Variants in SEMA3E observed in about 807,000 individuals in gnomAD.
SEMA3E encodes the protein semaphorin 3E.
In SEMA3E, 49 loss-of-function variants were observed where a neutral mutation model predicts 93.6. That is an observed-to-expected ratio of 0.52 (90% CI 0.42 to 0.66). The LOEUF (loss-of-function observed/expected upper bound fraction) is 0.66, where lower values mean the gene tolerates loss of function less well. SEMA3E is among the 30% of genes least tolerant of loss of function. The pLI, the probability that SEMA3E is intolerant of heterozygous loss-of-function variation, is 0.00. For missense variants in SEMA3E, 906 were observed against 964.8 expected, an observed-to-expected ratio of 0.94 and a Z score of 0.81; for synonymous variants, 363 against 330.7, an observed-to-expected ratio of 1.10 and a Z score of -1.06.
At chr7:83,578,255 T>C (rs1792449427) in intron 1 of SEMA3E, among the ~76,000 whole-genome samples, 1 of 152,136 alleles carries the variant, frequency 6.6e-6, no homozygotes, top group Non-Finnish European at 1.5e-5. Flanking sequence ...TTAACATTGC[T>C]ATGCCAATGA....
At chr7:83,562,203 T>G (rs1266286927) in intron 1 of SEMA3E, among the ~76,000 whole-genome samples, 1 of 152,134 alleles carries the variant, frequency 6.6e-6, no homozygotes, top group Non-Finnish European at 1.5e-5. Context: ...AATGGAAAAC[T>G]TTACCTTGAA....
At chr7:83,516,588 A>G (rs938861556) in intron 1 of SEMA3E, among the ~76,000 whole-genome samples, 2 of 152,276 alleles carry the variant, frequency 1.3e-5, no homozygotes, top group African/African-American at 2.4e-5. Flanking sequence ...TAAGTAACTG[A>G]AGAAATGTCA....
intron 1 of SEMA3E, among the ~76,000 whole-genome samples, chr7:83,575,248 G>A (rs957439047): frequency 8.6e-5 from 13 of 151,376 alleles, no homozygotes; most frequent in African/African-American, 1.9e-4. Context: ...CAGGATGGAC[G>A]GAGAAACATC....
chr7:83,642,666 AT>A lies in SEMA3E; in HGVS notation c.115+5761del, dbSNP rs544676445. 5.1e-4 allele frequency among the ~76,000 whole-genome samples: 78 copies of A among 152,240 alleles called. No homozygotes were observed. In the East Asian group the frequency reaches 0.012, roughly 23 times the overall value. On this transcript the variant is annotated intron_variant, in intron 1 of 16. Transcript: ENST00000643230. ...ATTTAAGGCTTTACTGTGAAAAAAA[AT>A]ATCAAAATAACCATCATCCTTTGTA...
chr7:83,447,381 A>T (rs1333519125), intron 4 of SEMA3E, among the ~76,000 whole-genome samples: 1 of 152,030 alleles, frequency 6.6e-6, no homozygotes, highest in African/African-American at 2.4e-5. Flanking sequence ...CTAAAAATAC[A>T]AAAGAAACTA....
At chr7:83,580,731 G>A (rs147178075) in intron 1 of SEMA3E, among the ~76,000 whole-genome samples, 293 of 151,864 alleles carry the variant, frequency 1.9e-3, no homozygotes, top group African/African-American at 6.8e-3. Context: ...CCATTGAACC[G>A]TAACTGTCAA....
At chr7:83,439,540 T>A (rs937621180) in intron 4 of SEMA3E, among the ~76,000 whole-genome samples, 2 of 152,230 alleles carry the variant, frequency 1.3e-5, no homozygotes, top group Admixed American at 1.3e-4. Flanking sequence ...ACTATTCTTA[T>A]ACAGTTAAAG....
chr7:83,599,723 CTTTG>C (rs1284880851), intron 1 of SEMA3E, among the ~76,000 whole-genome samples: 2 of 151,946 alleles, frequency 1.3e-5, no homozygotes, highest in Non-Finnish European at 2.9e-5. Context: ...ATAAACAAGC[CTTTG>C]TTTAAGAGTA....
At chr7:83,409,879 C>G (rs907902788) in intron 5 of SEMA3E, among the ~76,000 whole-genome samples, 1 of 151,372 alleles carries the variant, frequency 6.6e-6, no homozygotes, top group Non-Finnish European at 1.5e-5. Context: ...TATGATTTAA[C>G]ATTTGAGAAA....
intron 13 of SEMA3E, among the ~76,000 whole-genome samples, chr7:83,394,019 A>G (rs926938601): frequency 2.6e-5 from 4 of 152,154 alleles, no homozygotes; most frequent in African/African-American, 9.6e-5. Context: ...ATCAATGGAC[A>G]TAAAGTTTCA....
At chr7:83,621,750 C>T (rs549603595) in intron 1 of SEMA3E, among the ~76,000 whole-genome samples, 1 of 152,056 alleles carries the variant, frequency 6.6e-6, no homozygotes, top group Non-Finnish European at 1.5e-5. Flanking sequence ...GAAAGGATTC[C>T]CTGTTTAATA....
intron 4 of SEMA3E, among the ~76,000 whole-genome samples, chr7:83,450,860 C>T (rs1037709944): frequency 1.6e-4 from 24 of 151,998 alleles, no homozygotes; most frequent in African/African-American, 4.4e-4. Flanking sequence ...ACCACTAAAC[C>T]GTTCCAAGAG....
At chr7:83,424,784 T>G (rs1033747660) in intron 4 of SEMA3E, 1 of 162,054 alleles carries the variant, frequency 6.2e-6, no homozygotes, top group Non-Finnish European at 1.3e-5. Context: ...AGAGATAAGA[T>G]GTTTTGATAA....
intron 1 of SEMA3E, among the ~76,000 whole-genome samples, chr7:83,581,715 A>G (rs1171524439): frequency 2.0e-5 from 3 of 152,000 alleles, no homozygotes; most frequent in Admixed American, 2.0e-4. Flanking sequence ...AATTTGATCA[A>G]AGCTATTAGC....
At chr7:83,615,291 T>C (rs768658711) in intron 1 of SEMA3E, among the ~76,000 whole-genome samples, 1 of 152,134 alleles carries the variant, frequency 6.6e-6, no homozygotes, top group Non-Finnish European at 1.5e-5. Flanking sequence ...AATGTAAATA[T>C]ACAAATTGTA....
chr7:83,614,859 G>C (rs1793331530), intron 1 of SEMA3E, among the ~76,000 whole-genome samples: 2 of 152,108 alleles, frequency 1.3e-5, no homozygotes, highest in Admixed American at 1.3e-4. Context: ...TCCAAAGGAT[G>C]ACAGGGATGT....
chr7:83,585,252 C>A (rs1479143812), intron 1 of SEMA3E, among the ~76,000 whole-genome samples: 1 of 152,154 alleles, frequency 6.6e-6, no homozygotes, highest in African/African-American at 2.4e-5. Context: ...CTTTTCTCTA[C>A]CAGAGCCTCC....
chr7:83,444,571 T>C (rs1271132593), intron 4 of SEMA3E, among the ~76,000 whole-genome samples: 2 of 151,486 alleles, frequency 1.3e-5, no homozygotes, highest in African/African-American at 4.9e-5. Context: ...TGTAAAGAAA[T>C]AAGAATACCA....
intron 1 of SEMA3E, among the ~76,000 whole-genome samples, chr7:83,516,349 A>G (rs996732066): frequency 1.6e-4 from 24 of 152,224 alleles, no homozygotes; most frequent in African/African-American, 5.5e-4. Context: ...AATTTGACAA[A>G]GGTACAAAGA....
Sources: gnomAD v4.1 joint callset for allele counts (sites outside exome capture counted in the v4.1 genomes callset) on GRCh38, gnomAD v4.1.1 for gene constraint, MANE v1.5 for transcripts, NCBI Gene and HGNC (gene_info 2026-07-23, HGNC 2026-07-21) for gene names.